Variants in FBLIM1 observed in about 807,000 individuals in gnomAD.
FBLIM1 encodes the protein filamin-binding LIM protein 1.
Under a neutral mutation model 37.4 loss-of-function variants are expected in FBLIM1, and 29 were observed. That is an observed-to-expected ratio of 0.77 (90% CI 0.58 to 1.06). FBLIM1 has a LOEUF of 1.06. Among genes scored for constraint, FBLIM1 ranks in the 50% least tolerant of loss-of-function variants. FBLIM1 has a pLI of 0.00. For synonymous variants in FBLIM1, 193 were observed against 199.0 expected (o/e 0.97, Z 0.25); for missense variants, 449 against 505.6 (o/e 0.89, Z 1.07).
chr1:15,778,791 C>T (rs916124949), intron 8 of FBLIM1, among the ~76,000 whole-genome samples: 5 of 152,072 alleles, frequency 3.3e-5, no homozygotes, highest in African/African-American at 9.7e-5. Flanking sequence ...CAGGCATGCA[C>T]CACCACGCCC....
chr1:15,757,987 C>A (rs1433858314), upstream of FBLIM1: 1 of 152,260 alleles, frequency 6.6e-6, no homozygotes, highest in Admixed American at 6.5e-5. This position sits in a 1 kb window ranked among gnomAD's most constrained non-coding sequence, Gnocchi z 4.1. Flanking sequence ...GCGGCCTGTC[C>A]CCCGGGACAC....
chr1:15,774,076 T>C (rs1219855938), intron 6 of FBLIM1, among the ~76,000 whole-genome samples: 1 of 152,046 alleles, frequency 6.6e-6, no homozygotes, highest in Non-Finnish European at 1.5e-5. Context: ...GAGGATGCAG[T>C]GAGCTGAGAT....
chr1:15,767,322 C>G (rs2068971577), intron 3 of FBLIM1, 54 bp from the exon 4 acceptor site: 2 of 1,485,242 alleles, frequency 1.3e-6, no homozygotes, highest in East Asian at 5.3e-5. Flanking sequence ...AAGTAAAACC[C>G]TCCCAGGTCC....
At chr1:15,779,485 T>C (rs1420033910) in intron 8 of FBLIM1, among the ~76,000 whole-genome samples, 1 of 150,980 alleles carries the variant, frequency 6.6e-6, no homozygotes, top group Non-Finnish European at 1.5e-5. Context: ...TTGTATTTAG[T>C]AGAGATGAGA....
intron 1 of FBLIM1, among the ~76,000 whole-genome samples, chr1:15,760,594 T>G (rs553868956): frequency 2.0e-5 from 3 of 150,992 alleles, no homozygotes; most frequent in East Asian, 3.9e-4. Flanking sequence ...TTTTGTTTTT[T>G]TTTTTCTTTG....
intron 8 of FBLIM1, among the ~76,000 whole-genome samples, chr1:15,782,573 A>G (rs1372902717): frequency 6.6e-6 from 1 of 151,896 alleles, no homozygotes; most frequent in Non-Finnish European, 1.5e-5. Context: ...ATTGGTTCTA[A>G]TTTAGGAGGG....
At chr1:15,768,328 G>A (rs559245460) in intron 4 of FBLIM1, among the ~76,000 whole-genome samples, 200 bp from the exon 5 acceptor site, 1 of 152,314 alleles carries the variant, frequency 6.6e-6, no homozygotes, top group East Asian at 1.9e-4. Flanking sequence ...ACAAGGAGCA[G>A]TGGCTGATTG....
Position 15,777,302 on chromosome 1 carries a change from G to A in FBLIM1, c.1008+15G>A. On this transcript the variant is annotated intron_variant, in intron 8 of 8. Coordinates refer to ENST00000375766, the MANE Select transcript of FBLIM1 (RefSeq NM_017556.4). The stretch of plus-strand genomic sequence containing the variant: ...ACAGGTGTGAGGTGAGTGGAGCCTA[G>A]GTGGTTTAATAACATTCCATTGCTG... 6.3e-7 allele frequency: 1 copy of A among 1,591,964 alleles called. No individual in the cohort carries two copies. The highest frequency in any genetic ancestry group is 8.6e-7 in the Non-Finnish European group (1 of 1,161,518).
At chr1:15,770,181 A>C (rs2069133348) in intron 5 of FBLIM1, among the ~76,000 whole-genome samples, 1 of 150,166 alleles carries the variant, frequency 6.7e-6, no homozygotes, top group Non-Finnish European at 1.5e-5. Context: ...TCCTGTCCTC[A>C]AGTGATCCGC....
intron 6 of FBLIM1, among the ~76,000 whole-genome samples, chr1:15,771,030 C>T (rs1359906029): frequency 2.0e-5 from 3 of 152,084 alleles, no homozygotes; most frequent in Non-Finnish European, 2.9e-5. Flanking sequence ...ACCTCGGCCA[C>T]CCAGGTTCAA....
At chr1:15,782,978 TAG>T (rs1366460982) in intron 8 of FBLIM1, among the ~76,000 whole-genome samples, 1 of 152,202 alleles carries the variant, frequency 6.6e-6, no homozygotes, top group African/African-American at 2.4e-5. Flanking sequence ...ATATTTTTAG[TAG>T]AGACGGGGTT....
intron 7 of FBLIM1, chr1:15,775,221 CAAAA>C (rs34843894): frequency 5.0e-4 from 24 of 48,322 alleles, no homozygotes; most frequent in South Asian, 3.3e-3. Context: ...GACTCCGTCT[CAAAA>C]AAAAAAAAAA....
chr1:15,767,436 T>TCCCCCCCCCCCCCCC lies in FBLIM1; in HGVS notation c.314_315insCCCCCCCCCCCCCCC (p.Pro108_Pro112dup). 1 of 1,209,880 alleles carries TCCCCCCCCCCCCCCC rather than the reference T, an allele frequency of 8.3e-7. No individual in the cohort carries two copies. Among genetic ancestry groups the TCCCCCCCCCCCCCCC allele is most frequent in the Non-Finnish European group, 1.1e-6 (1 of 893,886 alleles). The allele number at this position is 1,209,880 out of a possible 1,614,324, so 74.9% of individuals were successfully genotyped here. ...GACGTGCTTCCTGACCTGGACCTCC[T>TCCCCCCCCCCCCCCC]CCCACCCCCTCCACCGCCCCCTCCA... On this transcript the variant is annotated inframe_insertion, in exon 4 of 9. Transcript: ENST00000375766.
chr1:15,777,197 T>C lies in FBLIM1; in HGVS notation c.918T>C (p.Cys306=). 1 of 1,611,206 alleles carries C rather than the reference T, an allele frequency of 6.2e-7. No homozygotes were observed. The highest frequency in any genetic ancestry group is 8.5e-7 in the Non-Finnish European group (1 of 1,177,736). The change falls in exon 8 of 9, where the codon TGT becomes TGC. Residue 306 remains cysteine (C), a synonymous_variant. Coordinates refer to ENST00000375766, the MANE Select transcript of FBLIM1 (RefSeq NM_017556.4). ...YRKFAPVCSI[C]ENPIIPRDGK... ...AATTCGCCCCCGTCTGCAGCATCTG[T>C]GAAAATCCCATCATCCCTCGGGATG...
upstream of FBLIM1, among the ~76,000 whole-genome samples, chr1:15,757,705 C>T (rs1345906990): frequency 1.4e-5 from 2 of 147,046 alleles, no homozygotes; most frequent in Non-Finnish European, 1.5e-5. The surrounding 1 kb of genome is among the most constrained non-coding windows in gnomAD (Gnocchi z 4.1). Context: ...CTGGGTCCAG[C>T]GCTCCTCAAG....
upstream of FBLIM1, chr1:15,757,947 AGCCGGGCCCTG>A (rs1176636227): frequency 6.6e-6 from 1 of 152,260 alleles, no homozygotes; most frequent in African/African-American, 2.4e-5. This position sits in a 1 kb window ranked among gnomAD's most constrained non-coding sequence, Gnocchi z 4.1. Context: ...CCACAGGGCC[AGCCGGGCCCTG>A]CCTTCCAGAG....
At chr1:15,766,083 C>T (rs1037125455) in intron 3 of FBLIM1, among the ~76,000 whole-genome samples, 1 of 152,140 alleles carries the variant, frequency 6.6e-6, no homozygotes, top group East Asian at 1.9e-4. Flanking sequence ...GCAGATCTGC[C>T]GTGGAGCCTG....
In FBLIM1 at chr1:15,765,879, A is replaced by G. The variant is rs372897484; in HGVS notation, c.250+646A>G. 1.2e-3 allele frequency among the ~76,000 whole-genome samples: 184 copies of G among 152,188 alleles called. 1 individual carries two copies. In the South Asian group the frequency reaches 0.037, roughly 31 times the overall value. On this transcript the variant is annotated intron_variant, in intron 3 of 8. Coordinates refer to ENST00000375766, the MANE Select transcript of FBLIM1 (RefSeq NM_017556.4). This position sits in a 1 kb window ranked among gnomAD's most constrained non-coding sequence, Gnocchi z 5.9. ...CATAGCCTATGGGCCCTGCACCGGGAGGCAGGCACTGGGAGAGGCCACAGC... is the reference window on the plus strand; with the variant it reads ...CATAGCCTATGGGCCCTGCACCGGGGGGCAGGCACTGGGAGAGGCCACAGC...
Position 15,767,298 on chromosome 1 carries a change from A to G in FBLIM1, c.251-78A>G, listed in dbSNP as rs534050253. On this transcript the variant is annotated intron_variant, in intron 3 of 8. Coordinates refer to ENST00000375766, the MANE Select transcript of FBLIM1 (RefSeq NM_017556.4). ...ACCGGGGCCCTCAGCTTCCCTCTGT[A>G]TGGCCATGTAGGTAAGTAAAACCCT... is the stretch of plus-strand genomic sequence containing the variant. The G allele has an allele frequency of 1.7e-5, 21 of 1,230,598 alleles. No individual in the cohort carries two copies. In the East Asian group the frequency reaches 2.8e-4, roughly 17 times the overall value. 76.2% of individuals were successfully genotyped at this position (1,230,598 alleles called of 1,614,324 possible). A position where few individuals can be genotyped will look rare whatever the true frequency, so the allele number is the denominator to read the frequency against.
Sources: allele counts gnomAD v4.1 joint callset (sites outside exome capture counted in the v4.1 genomes callset), GRCh38; gene constraint gnomAD v4.1.1; non-coding constraint Gnocchi (gnomAD v3.1); transcripts MANE v1.5; gene names NCBI Gene and HGNC (gene_info 2026-07-23, HGNC 2026-07-21).